MC2R: variants seen among roughly 807,000 people sequenced by gnomAD.
The protein encoded by MC2R is melanocortin 2 receptor, also known as adrenocorticotropic hormone receptor.
A neutral mutation model predicts 9.8 loss-of-function variants in MC2R; 9 were observed. The observed-to-expected ratio is 0.92, with a 90% CI of 0.55 to 1.60. The LOEUF (loss-of-function observed/expected upper bound fraction) is 1.60, where lower values mean the gene tolerates loss of function less well. MC2R is among the 40% of genes most tolerant of loss of function. The pLI, the probability that MC2R is intolerant of heterozygous loss-of-function variation, is 0.00. For synonymous variants in MC2R, 185 were observed against 154.7 expected (o/e 1.20, Z -1.45); for missense variants, 370 against 389.0 (o/e 0.95, Z 0.41).
chr18:13,888,738 C>T (rs2149136244), intron 1 of MC2R, among the ~76,000 whole-genome samples: 1 of 152,334 alleles, frequency 6.6e-6, no homozygotes, highest in South Asian at 2.1e-4. Flanking sequence ...TCCTGTTGTT[C>T]CTGCTTAGAG....
intron 1 of MC2R, among the ~76,000 whole-genome samples, chr18:13,889,261 T>A (rs1388183683): frequency 6.6e-6 from 1 of 152,220 alleles, no homozygotes; most frequent in Non-Finnish European, 1.5e-5. Context: ...CCAAGCTCCA[T>A]CACCTTGAGC....
At chr18:13,888,328 C>G (rs1456718455) in intron 1 of MC2R, among the ~76,000 whole-genome samples, 1 of 152,160 alleles carries the variant, frequency 6.6e-6, no homozygotes, top group Non-Finnish European at 1.5e-5. Context: ...TGGATGCTGC[C>G]AAGCTGGTGG....
intron 1 of MC2R, among the ~76,000 whole-genome samples, chr18:13,902,273 A>G (rs528953805): frequency 6.6e-6 from 1 of 152,300 alleles, no homozygotes; most frequent in East Asian, 1.9e-4. Flanking sequence ...GCTATACACA[A>G]CATACCCACA....
intron 1 of MC2R, among the ~76,000 whole-genome samples, chr18:13,910,374 TC>T (rs2045437602): frequency 6.6e-6 from 1 of 152,208 alleles, no homozygotes; most frequent in Non-Finnish European, 1.5e-5. Flanking sequence ...GGAGTGACAG[TC>T]CTCTGACTTT....
At chr18:13,885,708 A>T (rs1210491940) in intron 1 of MC2R, 62 bp from the exon 2 acceptor site, 2 of 628,990 alleles carry the variant, frequency 3.2e-6, no homozygotes, top group African/African-American at 3.7e-5. Context: ...AACCAGCCAC[A>T]CTCGCTTAAA....
rs143863272 is a variant in MC2R at position 13,896,173 on chromosome 18, C to T, written c.-128-10527G>A. Among the ~76,000 whole-genome samples, 411 of 152,172 alleles carry T rather than the reference C, an allele frequency of 2.7e-3. 1 individual carries two copies. In the Middle Eastern group the frequency reaches 0.048, roughly 18 times the overall value. ...CTAATAAATAAGAGTTAGTATATAT[C>T]ATGATTAAAAAGTATAAGGCCAAGA... On this transcript the variant is annotated intron_variant, in intron 1 of 1. Transcript: ENST00000327606.
At chr18:13,892,240 G>T (rs1290188546) in intron 1 of MC2R, among the ~76,000 whole-genome samples, 1 of 152,194 alleles carries the variant, frequency 6.6e-6, no homozygotes, top group Non-Finnish European at 1.5e-5. Context: ...TCAGAATGAA[G>T]GTGGTCTGAA....
intron 1 of MC2R, among the ~76,000 whole-genome samples, chr18:13,900,030 A>C (rs1273745200): frequency 6.6e-6 from 1 of 152,146 alleles, no homozygotes; most frequent in Admixed American, 6.5e-5. Flanking sequence ...CAATCAATAA[A>C]ATATAATAAC....
chr18:13,896,995 C>G (rs2045349419), intron 1 of MC2R, among the ~76,000 whole-genome samples: 1 of 152,158 alleles, frequency 6.6e-6, no homozygotes, highest in East Asian at 1.9e-4. Flanking sequence ...CTGATTGTCC[C>G]CCTGCAAGGA....
At chr18:13,888,324 C>T (rs1598460956) in intron 1 of MC2R, among the ~76,000 whole-genome samples, 2 of 152,278 alleles carry the variant, frequency 1.3e-5, no homozygotes, top group East Asian at 3.9e-4. Context: ...TTTGTGGATG[C>T]TGCCAAGCTG....
rs2045430765 is a variant in MC2R, at chr18:13,909,205, CA to C, written c.-129+6282del. The stretch of plus-strand genomic sequence containing the variant: ...CTGCTCAAACATTTTGTAGAATTGC[CA>C]CAATTGTGTGACATTTTTCTCATGA... On this transcript the variant is annotated intron_variant, in intron 1 of 1. Coordinates refer to ENST00000327606, the MANE Select transcript of MC2R (RefSeq NM_000529.2). Among the ~76,000 whole-genome samples, 9 of 152,148 alleles carry C rather than the reference CA, an allele frequency of 5.9e-5. No individual in the cohort carries two copies. In the South Asian group the frequency reaches 1.9e-3, roughly 32 times the overall value.
At chr18:13,886,736 G>C (rs1026985492) in intron 1 of MC2R, among the ~76,000 whole-genome samples, 1 of 152,154 alleles carries the variant, frequency 6.6e-6, no homozygotes, top group African/African-American at 2.4e-5. Context: ...GGCGGACTGC[G>C]GCAGTGCACC....
At position 13,883,794 on chromosome 18, in the gene MC2R, C is replaced by T. The variant is rs2045253671; in HGVS notation, c.*831G>A. 1 of 152,130 alleles carries T rather than the reference C, an allele frequency of 6.6e-6. No homozygotes were observed. The highest frequency in any genetic ancestry group is 1.5e-5 in the Non-Finnish European group (1 of 68,056). The allele number at this position is 152,130 out of a possible 1,614,324, so 9.4% of individuals were successfully genotyped here. A position where few individuals can be genotyped will look rare whatever the true frequency, so the allele number is the denominator to read the frequency against. ...AATTTTCATCTGGCCTTTATGTATT[C>T]CCACATGGGAACTAAATGGATTAAA... On this transcript the variant is annotated 3_prime_UTR_variant, in exon 2 of 2. Coordinates refer to ENST00000327606, the MANE Select transcript of MC2R (RefSeq NM_000529.2).
chr18:13,886,088 C>T (rs1409739236), intron 1 of MC2R, among the ~76,000 whole-genome samples: 11 of 132,738 alleles, frequency 8.3e-5, no homozygotes, highest in Non-Finnish European at 1.3e-4. Context: ...TGGGAGGGGG[C>T]GGGTGATGAG....
At chr18:13,895,787 C>G (rs2045342623) in intron 1 of MC2R, among the ~76,000 whole-genome samples, 1 of 152,044 alleles carries the variant, frequency 6.6e-6, no homozygotes, top group African/African-American at 2.4e-5. Flanking sequence ...GGACTAGGAG[C>G]TGAAATACCA....
chr18:13,915,339 C>T (rs2045469984), intron 1 of MC2R, 149 bp downstream of exon 1: 1 of 152,248 alleles, frequency 6.6e-6, no homozygotes, highest in Non-Finnish European at 1.5e-5. Flanking sequence ...ATAATAAACT[C>T]CCTTAGGAAG....
At chr18:13,902,898 G>A (rs550842803) in intron 1 of MC2R, among the ~76,000 whole-genome samples, 32 of 152,270 alleles carry the variant, frequency 2.1e-4, no homozygotes, top group African/African-American at 7.5e-4. Flanking sequence ...ACAAAGTGAA[G>A]AGACAGCCCA....
intron 1 of MC2R, among the ~76,000 whole-genome samples, chr18:13,906,145 C>T (rs1379058545): frequency 6.6e-6 from 1 of 152,184 alleles, no homozygotes; most frequent in Non-Finnish European, 1.5e-5. Context: ...TTTATTGCAG[C>T]ACTATTTACA....
intron 1 of MC2R, among the ~76,000 whole-genome samples, chr18:13,901,244 C>A (rs769449290): frequency 4.0e-4 from 60 of 151,794 alleles, no homozygotes; most frequent in Non-Finnish European, 6.9e-4. Context: ...AGCAAAAGCA[C>A]TACTAAGAGG....
Sources: gnomAD v4.1 joint callset for allele counts (sites outside exome capture counted in the v4.1 genomes callset) on GRCh38, gnomAD v4.1.1 for gene constraint, MANE v1.5 for transcripts, NCBI Gene and HGNC (gene_info 2026-07-23, HGNC 2026-07-21) for gene names.